The following TBC1D22A variants were observed in gnomAD, a reference collection of about 807,000 sequenced individuals.
TBC1D22A encodes TBC1 domain family member 22A.
Under a neutral mutation model 60.2 loss-of-function variants are expected in TBC1D22A, and 38 were observed. That is an observed-to-expected ratio of 0.63 (90% CI 0.49 to 0.83). The LOEUF is 0.83. Among genes scored for constraint, TBC1D22A ranks in the 40% least tolerant of loss-of-function variants. The pLI, the probability that TBC1D22A is intolerant of heterozygous loss-of-function variation, is 0.00. For synonymous variants in TBC1D22A, 302 were observed against 281.7 expected, an observed-to-expected ratio of 1.07 and a Z score of -0.72; for missense variants, 628 against 701.0, an observed-to-expected ratio of 0.90 and a Z score of 1.18.
intron 12 of TBC1D22A, among the ~76,000 whole-genome samples, chr22:47,158,088 C>A (rs970159834): frequency 5.9e-5 from 9 of 152,336 alleles, no homozygotes; most frequent in Non-Finnish European, 8.8e-5. Flanking sequence ...TCACCCAGCA[C>A]CACGGCCTTC....
chr22:46,803,947 G>A (rs972062587), intron 4 of TBC1D22A, among the ~76,000 whole-genome samples: 3 of 152,194 alleles, frequency 2.0e-5, no homozygotes, highest in Admixed American at 6.5e-5. Flanking sequence ...TTGATGGTTC[G>A]CTGACTCTTC....
chr22:46,915,187 A>AG (rs2070268079), intron 8 of TBC1D22A: 1 of 352,108 alleles, frequency 2.8e-6, no homozygotes, highest in African/African-American at 2.1e-5. Flanking sequence ...TTGAACATTC[A>AG]TTCTGGCAGC....
At chr22:47,027,354 T>A (rs921228677) in intron 10 of TBC1D22A, among the ~76,000 whole-genome samples, 15 of 152,196 alleles carry the variant, frequency 9.9e-5, no homozygotes, top group Non-Finnish European at 2.2e-4. Context: ...TTTCTATAGG[T>A]TTTTGGGGAA....
At chr22:46,917,030 C>T (rs997368111) in intron 8 of TBC1D22A, among the ~76,000 whole-genome samples, 9 of 152,134 alleles carry the variant, frequency 5.9e-5, no homozygotes, top group Admixed American at 2.0e-4. Flanking sequence ...CAGAGCCAAG[C>T]GTGCGTGCTT....
chr22:46,891,311 A>T lies in TBC1D22A; in HGVS notation c.754A>T (p.Arg252Ter), dbSNP rs1334367123. The T allele has an allele frequency of 6.2e-7, 1 of 1,613,634 alleles. No homozygotes were observed. The highest frequency in any genetic ancestry group is 2.2e-5 in the East Asian group (1 of 44,848). ...AGACCGGAGACCAGCCACTCTCCAG[A>T]GAAAACAAAAAGAATATTTTGCATT... Reference protein sequence around the residue: ...NVDRRPATLQRKQKEYFAFIE... With the variant: ...NVDRRPATLQ The change falls in exon 6 of 13, where the codon AGA (arginine) becomes TGA (stop). Residue 252 changes from arginine (R) to a stop codon, truncating the protein, a stop_gained. Coordinates refer to ENST00000337137, the MANE Select transcript of TBC1D22A (RefSeq NM_014346.5). LOFTEE classifies it high-confidence loss of function.
In TBC1D22A at chr22:47,128,048, G is replaced by T. The variant is rs1375918872; in HGVS notation, c.1425+16445G>T. Among the ~76,000 whole-genome samples the T allele has an allele frequency of 1.2e-3, 72 of 58,924 alleles. 4 individuals are homozygous for T. Among genetic ancestry groups the T allele is most frequent in the African/African-American group, 6.1e-3 (70 of 11,492 alleles). The allele number at this position is 58,924 out of a possible 152,430, so 38.7% of individuals were successfully genotyped here. On this transcript the variant is annotated intron_variant, in intron 12 of 12. Coordinates refer to ENST00000337137, the MANE Select transcript of TBC1D22A (RefSeq NM_014346.5). ...CTCCACCCCACCCATCCTCTCCTCC[G>T]CCCAACCCATCCCCCCTCCCCTCAC... is the stretch of plus-strand genomic sequence containing the variant.
At chr22:47,082,349 T>C (rs776134958) in intron 11 of TBC1D22A, among the ~76,000 whole-genome samples, 1 of 152,178 alleles carries the variant, frequency 6.6e-6, no homozygotes, top group African/African-American at 2.4e-5. Flanking sequence ...AACTTCTTGA[T>C]TTTAGGACTT....
At position 47,071,961 on chromosome 22, in the gene TBC1D22A, C is replaced by T. The variant is rs138832693; in HGVS notation, c.1329+34763C>T. Among the ~76,000 whole-genome samples, 726 of 152,268 alleles carry T rather than the reference C, an allele frequency of 4.8e-3. 9 individuals are homozygous for T. The highest frequency in any genetic ancestry group is 0.016 in the African/African-American group (650 of 41,530). On this transcript the variant is annotated intron_variant, in intron 11 of 12. Coordinates refer to ENST00000337137, the MANE Select transcript of TBC1D22A (RefSeq NM_014346.5). ...CCCTGCCTTTTTATATTGCAGATAA[C>T]ACACATGGCTTAATGCTGGAAACAG...
intron 11 of TBC1D22A, among the ~76,000 whole-genome samples, chr22:47,088,264 C>G (rs1360349559): frequency 6.6e-6 from 1 of 152,028 alleles, no homozygotes; most frequent in African/African-American, 2.4e-5. Context: ...GAAAAGAAAC[C>G]AAGGCTCCTT....
At chr22:47,155,202 A>G (rs2067662260) in intron 12 of TBC1D22A, among the ~76,000 whole-genome samples, 3 of 142,824 alleles carry the variant, frequency 2.1e-5, no homozygotes, top group African/African-American at 8.9e-5. Flanking sequence ...TCTCTTTAGA[A>G]TTCCTTTTTT....
chr22:46,833,138 A>C (rs1306021058), intron 4 of TBC1D22A, among the ~76,000 whole-genome samples: 4 of 152,258 alleles, frequency 2.6e-5, no homozygotes, highest in African/African-American at 4.8e-5. Context: ...GGGAAGATAC[A>C]TATGAGTTAA....
intron 11 of TBC1D22A, among the ~76,000 whole-genome samples, chr22:47,067,633 A>G (rs1461620497): frequency 3.9e-5 from 6 of 152,200 alleles, no homozygotes; most frequent in Non-Finnish European, 8.8e-5. Context: ...TTTCGGGTTC[A>G]TCATGGTGGG....
chr22:46,870,907 C>T (rs902181236), intron 4 of TBC1D22A, among the ~76,000 whole-genome samples: 3 of 152,140 alleles, frequency 2.0e-5, no homozygotes, highest in Non-Finnish European at 4.4e-5. Context: ...CACTGTTGCA[C>T]TGGGGATTAA....
intron 5 of TBC1D22A, among the ~76,000 whole-genome samples, chr22:46,881,306 G>A (rs1375748933): frequency 2.6e-5 from 4 of 152,138 alleles, no homozygotes; most frequent in South Asian, 2.1e-4. Flanking sequence ...GCACTGTGTC[G>A]GGTGCTGGGA....
At chr22:47,033,265 T>C (rs2062543141) in intron 10 of TBC1D22A, among the ~76,000 whole-genome samples, 1 of 152,200 alleles carries the variant, frequency 6.6e-6, no homozygotes. Flanking sequence ...CAGTTTAGTT[T>C]TGTAGCTGCA....
At chr22:47,100,938 T>A (rs920624897) in intron 11 of TBC1D22A, among the ~76,000 whole-genome samples, 1 of 152,180 alleles carries the variant, frequency 6.6e-6, no homozygotes. Context: ...CTCGGCTGAA[T>A]GAGCTTTGGG....
chr22:47,040,070 G>A (rs2062791355), intron 11 of TBC1D22A, among the ~76,000 whole-genome samples: 1 of 149,586 alleles, frequency 6.7e-6, no homozygotes, highest in Non-Finnish European at 1.5e-5. Flanking sequence ...TCAGCCTCTT[G>A]AGTAGCTGGG....
At chr22:46,868,854 G>C (rs554436955) in intron 4 of TBC1D22A, among the ~76,000 whole-genome samples, 1 of 152,252 alleles carries the variant, frequency 6.6e-6, no homozygotes, top group South Asian at 2.1e-4. Context: ...GTTCATGACT[G>C]AGTACCTGTC....
chr22:47,016,406 C>T (rs2061913500), intron 10 of TBC1D22A, among the ~76,000 whole-genome samples: 1 of 152,202 alleles, frequency 6.6e-6, no homozygotes, highest in Admixed American at 6.5e-5. Flanking sequence ...AAGGAACCCT[C>T]ATGTGGCCCA....
Sources: allele counts gnomAD v4.1 joint callset (sites outside exome capture counted in the v4.1 genomes callset), GRCh38; gene constraint gnomAD v4.1.1; transcripts MANE v1.5; gene names NCBI Gene and HGNC (gene_info 2026-07-23, HGNC 2026-07-21).